Variants in BTBD9 observed in about 807,000 individuals in gnomAD.
The protein encoded by BTBD9 is BTB domain containing 9.
In BTBD9, 49 loss-of-function variants were observed where a neutral mutation model predicts 64.3. The ratio of observed to expected loss-of-function variants is 0.76; its 90% CI spans 0.61 to 0.97. The LOEUF (loss-of-function observed/expected upper bound fraction) is 0.97, where lower values mean the gene tolerates loss of function less well. Among genes scored for constraint, BTBD9 ranks in the 50% least tolerant of loss-of-function variants. The pLI is 0.00. For synonymous variants in BTBD9, 260 were observed against 274.7 expected (o/e 0.95, Z 0.53); for missense variants, 598 against 762.1 (o/e 0.78, Z 2.53).
intron 6 of BTBD9, among the ~76,000 whole-genome samples, chr6:38,465,057 C>T (rs997156286): frequency 2.0e-5 from 3 of 152,078 alleles, no homozygotes; most frequent in South Asian, 2.1e-4. Context: ...AATCCCAGAA[C>T]TTTGGGAGGC....
chr6:38,593,389 T>C (rs779382164), intron 3 of BTBD9, among the ~76,000 whole-genome samples: 13 of 152,220 alleles, frequency 8.5e-5, no homozygotes, highest in Non-Finnish European at 1.5e-4. Context: ...GATATGTAGC[T>C]TTTCAATAGA....
intron 9 of BTBD9, among the ~76,000 whole-genome samples, chr6:38,221,473 G>A (rs1763193440): frequency 6.6e-6 from 1 of 152,088 alleles, no homozygotes; most frequent in Admixed American, 6.6e-5. Context: ...GGACACATGG[G>A]CCAAGAGTAC....
chr6:38,191,434 T>C (rs575934869), intron 10 of BTBD9, among the ~76,000 whole-genome samples: 159 of 152,348 alleles, frequency 1.0e-3, no homozygotes, highest in African/African-American at 3.7e-3. Flanking sequence ...AGAAAACCTT[T>C]CTGCTTTCAT....
At chr6:38,200,237 A>G (rs1288790976) in intron 9 of BTBD9, among the ~76,000 whole-genome samples, 1 of 152,218 alleles carries the variant, frequency 6.6e-6, no homozygotes, top group African/African-American at 2.4e-5. Context: ...TGAAAACAAA[A>G]TAGACCAAAA....
At chr6:38,613,513 T>A (rs918193986) in intron 1 of BTBD9, among the ~76,000 whole-genome samples, 3 of 151,942 alleles carry the variant, frequency 2.0e-5, no homozygotes, top group Admixed American at 2.0e-4. Flanking sequence ...TCCCAGCTAC[T>A]TGGGAGGAGG....
At chr6:38,597,884 T>G in intron 2 of BTBD9, 26 bp downstream of exon 2, 12 of 1,601,906 alleles carry the variant, frequency 7.5e-6, no homozygotes, top group Non-Finnish European at 9.4e-6. Context: ...TGAACTAAAT[T>G]TTCAAAAAAA....
chr6:38,247,829 T>A (rs1764263198), intron 9 of BTBD9, among the ~76,000 whole-genome samples: 1 of 152,212 alleles, frequency 6.6e-6, no homozygotes, highest in African/African-American at 2.4e-5. Flanking sequence ...TTAATTTTGT[T>A]GATTTACTGC....
chr6:38,422,159 A>T (rs1236580202), intron 6 of BTBD9, among the ~76,000 whole-genome samples: 2 of 152,122 alleles, frequency 1.3e-5, no homozygotes, highest in Non-Finnish European at 2.9e-5. Context: ...TTCTAGTCTA[A>T]TTATTTCATT....
intron 9 of BTBD9, among the ~76,000 whole-genome samples, chr6:38,238,488 T>A (rs1434338237): frequency 6.6e-6 from 1 of 150,402 alleles, no homozygotes. Context: ...TTTTTTTTTT[T>A]TTGAGACGGA....
At chr6:38,202,292 G>T (rs534122284) in intron 9 of BTBD9, among the ~76,000 whole-genome samples, 5 of 151,624 alleles carry the variant, frequency 3.3e-5, no homozygotes, top group African/African-American at 1.2e-4. Context: ...TCACCATGTT[G>T]GCCAGGATGG....
intron 7 of BTBD9, among the ~76,000 whole-genome samples, chr6:38,334,620 CATAACATAAA>C (rs1405209217): frequency 0.026 from 3,565 of 135,056 alleles, 127 homozygotes; most frequent in African/African-American, 0.095. Flanking sequence ...CATAACATAA[CATAACATAAA>C]ATAAATAAAA....
chr6:38,248,513 A>T (rs1002302214), intron 9 of BTBD9, among the ~76,000 whole-genome samples: 5 of 152,254 alleles, frequency 3.3e-5, no homozygotes, highest in African/African-American at 1.2e-4. Context: ...GAAATTGTTT[A>T]AAAAATGAAT....
chr6:38,626,961 T>C (rs549555272), intron 1 of BTBD9, among the ~76,000 whole-genome samples: 8 of 152,336 alleles, frequency 5.3e-5, no homozygotes, highest in African/African-American at 1.7e-4. Flanking sequence ...CTGAAATAAA[T>C]GGCACACAAT....
chr6:38,415,800 A>T (rs576217720), intron 6 of BTBD9, among the ~76,000 whole-genome samples: 1 of 151,850 alleles, frequency 6.6e-6, no homozygotes, highest in Non-Finnish European at 1.5e-5. Context: ...ACTCTCATCT[A>T]TCTCCATTCC....
At chr6:38,285,970 A>T (rs1358802915) in intron 8 of BTBD9, among the ~76,000 whole-genome samples, 1 of 152,228 alleles carries the variant, frequency 6.6e-6, no homozygotes, top group African/African-American at 2.4e-5. Context: ...AGCTTACTAA[A>T]TAGATGGTTT....
rs186251816 is a variant in BTBD9, at chr6:38,184,702, G to C, written c.1641+7817C>G. Among the ~76,000 whole-genome samples, 283 of 152,292 alleles carry C rather than the reference G, an allele frequency of 1.9e-3. 1 individual carries two copies. Among genetic ancestry groups the C allele is most frequent in the African/African-American group, 6.3e-3 (261 of 41,556 alleles). ...AATCCTCGGGGGGCCAGAGAGAGTG[G>C]AATCAGACCTGGGGCAGGGGGACCT... On this transcript the variant is annotated intron_variant, in intron 10 of 10. Coordinates refer to ENST00000481247, the MANE Select transcript of BTBD9 (RefSeq NM_001099272.2). The surrounding 1 kb of genome is among the most constrained non-coding windows in gnomAD (Gnocchi z 4.4).
chr6:38,478,582 T>G (rs1265203374), intron 6 of BTBD9, among the ~76,000 whole-genome samples: 1 of 152,138 alleles, frequency 6.6e-6, no homozygotes, highest in Non-Finnish European at 1.5e-5. Flanking sequence ...TTAGAGGACC[T>G]AAGAGGAAAT....
chr6:38,281,024 C>T (rs1761492553), intron 8 of BTBD9, among the ~76,000 whole-genome samples: 1 of 152,204 alleles, frequency 6.6e-6, no homozygotes, highest in Non-Finnish European at 1.5e-5. Context: ...TGTGGTCCTA[C>T]TAGAGATTGA....
chr6:38,501,320 G>C (rs1416570027), intron 6 of BTBD9, among the ~76,000 whole-genome samples: 1 of 152,132 alleles, frequency 6.6e-6, no homozygotes, highest in African/African-American at 2.4e-5. Flanking sequence ...CAGGTTTTCG[G>C]ATTAGGAATG....
Sources: allele counts gnomAD v4.1 joint callset (sites outside exome capture counted in the v4.1 genomes callset), GRCh38; gene constraint gnomAD v4.1.1; non-coding constraint Gnocchi (gnomAD v3.1); transcripts MANE v1.5; gene names NCBI Gene and HGNC (gene_info 2026-07-23, HGNC 2026-07-21).